Variants in CATSPERE observed in about 807,000 individuals in gnomAD.
CATSPERE encodes the protein catsper channel auxiliary subunit epsilon.
Under a neutral mutation model 114.1 loss-of-function variants are expected in CATSPERE, and 93 were observed. That is an observed-to-expected ratio of 0.81 (90% CI 0.69 to 0.97). The LOEUF is 0.97. Ranked by LOEUF, CATSPERE falls within the 50% of genes least tolerant of loss-of-function variation. The pLI, the probability that CATSPERE is intolerant of heterozygous loss-of-function variation, is 0.00. For synonymous variants in CATSPERE, 341 were observed against 384.1 expected (o/e 0.89, Z 1.31); for missense variants, 1,058 against 1,131.6 (o/e 0.93, Z 0.93).
At chr1:244,503,709 A>T (rs534693509) in intron 7 of CATSPERE, among the ~76,000 whole-genome samples, 1 of 152,150 alleles carries the variant, frequency 6.6e-6, no homozygotes, top group South Asian at 2.1e-4. Flanking sequence ...CCTCCCATGT[A>T]GCTAGAGCCA....
At chr1:244,485,694 T>G (rs1386746209) in intron 5 of CATSPERE, among the ~76,000 whole-genome samples, 2 of 101,374 alleles carry the variant, frequency 2.0e-5, no homozygotes, top group African/African-American at 3.4e-5. Context: ...CTAAATTTTG[T>G]TTTTTTTGTT....
chr1:244,608,202 A>G (rs896447615), intron 18 of CATSPERE, among the ~76,000 whole-genome samples: 4 of 152,110 alleles, frequency 2.6e-5, no homozygotes, highest in African/African-American at 9.7e-5. Context: ...CGTAGAGACT[A>G]TCTTGACTAA....
intron 5 of CATSPERE, among the ~76,000 whole-genome samples, chr1:244,484,415 G>C (rs1377697635): frequency 6.6e-6 from 1 of 152,212 alleles, no homozygotes; most frequent in African/African-American, 2.4e-5. Flanking sequence ...CCCACTTCTG[G>C]TGAGGACATG....
At position 244,640,173 on chromosome 1, in the gene CATSPERE, T is replaced by A; in HGVS notation, c.*92T>A. The A allele has an allele frequency of 2.0e-6, 2 of 1,015,440 alleles. No homozygotes were observed. The highest frequency in any genetic ancestry group is 2.7e-6 in the Non-Finnish European group (2 of 728,382). 62.9% of individuals were successfully genotyped at this position (1,015,440 alleles called of 1,614,324 possible). A position where few individuals can be genotyped will look rare whatever the true frequency, so the allele number is the denominator to read the frequency against. ...TGAGAGTGTGTGTTTGACCAAGAAATACTAAATATAAGCTCGTAGTAGGCA... is the reference window on the plus strand; with the variant it reads ...TGAGAGTGTGTGTTTGACCAAGAAAAACTAAATATAAGCTCGTAGTAGGCA... On this transcript the variant is annotated 3_prime_UTR_variant, in exon 22 of 22. Transcript: ENST00000366534.
chr1:244,622,670 T>C (rs572075656), intron 20 of CATSPERE, among the ~76,000 whole-genome samples: 1 of 152,300 alleles, frequency 6.6e-6, no homozygotes, highest in African/African-American at 2.4e-5. Flanking sequence ...TATCTGTACA[T>C]TCCTGGGGCC....
chr1:244,540,610 C>G (rs1658515270), intron 8 of CATSPERE, among the ~76,000 whole-genome samples: 1 of 149,498 alleles, frequency 6.7e-6, no homozygotes, highest in South Asian at 2.2e-4. Flanking sequence ...GGTGCCATCC[C>G]CATCAAGCTA....
intron 8 of CATSPERE, among the ~76,000 whole-genome samples, chr1:244,518,914 C>T (rs988854906): frequency 6.6e-6 from 1 of 152,256 alleles, no homozygotes; most frequent in African/African-American, 2.4e-5. Flanking sequence ...ACATAATCCT[C>T]AATCCAAGAG....
At chr1:244,542,117 C>A (rs1023597367) in intron 8 of CATSPERE, among the ~76,000 whole-genome samples, 85 of 149,704 alleles carry the variant, frequency 5.7e-4, no homozygotes, top group African/African-American at 2.0e-3. Flanking sequence ...TGTAACAAAC[C>A]TGCACATTGT....
chr1:244,631,299 G>T (rs12091971), intron 20 of CATSPERE, among the ~76,000 whole-genome samples: 2,078 of 152,158 alleles, frequency 0.014, 52 homozygotes, highest in African/African-American at 0.047. Context: ...TAAAAAAAAG[G>T]GAATATAGAA....
At chr1:244,587,796 C>G (rs1667204176) in intron 13 of CATSPERE, among the ~76,000 whole-genome samples, 1 of 152,156 alleles carries the variant, frequency 6.6e-6, no homozygotes, top group Non-Finnish European at 1.5e-5. Context: ...GTGAAAACAG[C>G]AAGTCAGATT....
chr1:244,461,582 G>A (rs879425066), intron 1 of CATSPERE, 88 bp downstream of exon 1: 14 of 1,123,536 alleles, frequency 1.2e-5, no homozygotes, highest in African/African-American at 1.6e-5. Flanking sequence ...CACCCCATGC[G>A]CCTCGGGACC....
chr1:244,579,919 A>G (rs1002994653), intron 11 of CATSPERE, among the ~76,000 whole-genome samples: 2 of 152,202 alleles, frequency 1.3e-5, no homozygotes, highest in African/African-American at 4.8e-5. Flanking sequence ...ATGAGTTAGT[A>G]TACATTAAGG....
chr1:244,595,481 CAGTT>C (rs1458832537), intron 17 of CATSPERE, among the ~76,000 whole-genome samples: 1 of 152,066 alleles, frequency 6.6e-6, no homozygotes, highest in African/African-American at 2.4e-5. Context: ...GTAAAACAGA[CAGTT>C]GGAGGAAGAA....
Position 244,502,983 on chromosome 1 carries a change from A to G in CATSPERE, c.429+3904A>G, listed in dbSNP as rs1674301034. Among the ~76,000 whole-genome samples, 2 of 152,154 alleles carry G rather than the reference A, an allele frequency of 1.3e-5. 1 individual carries two copies. The highest frequency in any genetic ancestry group is 4.8e-5 in the African/African-American group (2 of 41,428). On this transcript the variant is annotated intron_variant, in intron 7 of 21. Transcript: ENST00000366534. ...CCTGGTTGTGCATATCTAAGTGCAG[A>G]ATAGGTTTCCACGGGCAGCCAAGAT...
chr1:244,550,830 GCAGTGCTGACTGAA>G (rs1175232753), intron 8 of CATSPERE, among the ~76,000 whole-genome samples: 1 of 152,198 alleles, frequency 6.6e-6, no homozygotes, highest in Non-Finnish European at 1.5e-5. Flanking sequence ...AGTGACTCAA[GCAGTGCTGACTGAA>G]CATCTTTCAA....
intron 2 of CATSPERE, among the ~76,000 whole-genome samples, chr1:244,475,385 C>CA (rs1343153909): frequency 1.3e-5 from 2 of 150,462 alleles, no homozygotes; most frequent in East Asian, 2.0e-4. Context: ...AGGTATGTGC[C>CA]ACCATGCCTG....
intron 7 of CATSPERE, among the ~76,000 whole-genome samples, chr1:244,513,812 C>T (rs1414789072): frequency 6.6e-6 from 1 of 152,100 alleles, no homozygotes; most frequent in Non-Finnish European, 1.5e-5. Flanking sequence ...GCATGCAGGC[C>T]GCACTGGTGG....
At chr1:244,461,801 T>G (rs1666855155) in intron 1 of CATSPERE, among the ~76,000 whole-genome samples, 1 of 152,162 alleles carries the variant, frequency 6.6e-6, no homozygotes, top group Non-Finnish European at 1.5e-5. Flanking sequence ...CTTTTTTGTT[T>G]GTTTAGGGCG....
chr1:244,625,432 A>ATTTTTT (rs61325021), intron 20 of CATSPERE, among the ~76,000 whole-genome samples: 142 of 3,992 alleles, frequency 0.036, 55 homozygotes, highest in Non-Finnish European at 0.053. Flanking sequence ...ATATATATAT[A>ATTTTTT]TTTTTTTTTT....
Sources: allele counts gnomAD v4.1 joint callset (sites outside exome capture counted in the v4.1 genomes callset), GRCh38; gene constraint gnomAD v4.1.1; transcripts MANE v1.5; gene names NCBI Gene and HGNC (gene_info 2026-07-23, HGNC 2026-07-21).